Variants in RDX observed in about 807,000 individuals in gnomAD.
RDX encodes the protein deafness, autosomal recessive 24.
In RDX, 32 loss-of-function variants were observed where a neutral mutation model predicts 83.7. That is an observed-to-expected ratio of 0.38 (90% CI 0.29 to 0.51). RDX has a LOEUF of 0.51. Among genes scored for constraint, RDX ranks in the 20% least tolerant of loss-of-function variants. RDX has a pLI of 0.87. For synonymous variants in RDX, 229 were observed against 222.7 expected (o/e 1.03, Z -0.25); for missense variants, 600 against 689.9 (o/e 0.87, Z 1.46).
chr11:110,263,231 A>T (rs1036872136), intron 5 of RDX: 1 of 150,850 alleles, frequency 6.6e-6, no homozygotes, highest in Non-Finnish European at 1.5e-5. Flanking sequence ...GCGAGCTGAG[A>T]TTGCACCACT....
chr11:110,176,505 C>T (rs1470364985), intron 15 of RDX, among the ~76,000 whole-genome samples: 1 of 152,154 alleles, frequency 6.6e-6, no homozygotes, highest in African/African-American at 2.4e-5. Flanking sequence ...CCCCCAGCCA[C>T]GGGGTGCCTG....
In RDX at chr11:110,214,987, A is replaced by G. The variant is rs372118614; in HGVS notation, c.1749-15309T>C. 2.0e-4 allele frequency among the ~76,000 whole-genome samples: 30 copies of G among 147,954 alleles called. No homozygotes were observed. In the South Asian group the frequency reaches 6.4e-3, roughly 32 times the overall value. ...GCACTTGTACCCTAAAACTTAAAGT[A>G]TAATAAAAAAAAAATGAAAAAAATA... On this transcript the variant is annotated intron_variant, in intron 14 of 15. Coordinates refer to the RDX transcript ENST00000528498.
At chr11:110,246,545 C>A (rs1204925929) in intron 10 of RDX, among the ~76,000 whole-genome samples, 3 of 152,132 alleles carry the variant, frequency 2.0e-5, no homozygotes, top group Non-Finnish European at 2.9e-5. Flanking sequence ...GAGGCCGACG[C>A]GGGTGGATCA....
intron 15 of RDX, among the ~76,000 whole-genome samples, chr11:110,184,435 G>A (rs1410380352): frequency 2.0e-5 from 3 of 152,066 alleles, no homozygotes; most frequent in African/African-American, 2.4e-5. Context: ...GAGGGACTGT[G>A]CAGAACAAGA....
chr11:110,219,278 C>T (rs966855698), intron 14 of RDX, among the ~76,000 whole-genome samples: 1 of 152,142 alleles, frequency 6.6e-6, no homozygotes, highest in African/African-American at 2.4e-5. Flanking sequence ...GCCAGTGTGA[C>T]TTCAATTTAA....
At chr11:110,287,622 G>A (rs1425609654) in intron 1 of RDX, among the ~76,000 whole-genome samples, 1 of 152,078 alleles carries the variant, frequency 6.6e-6, no homozygotes, top group African/African-American at 2.4e-5. Flanking sequence ...AAGCAAAGAG[G>A]ACAAGAATTT....
At chr11:110,263,031 T>C (rs759801121) in intron 5 of RDX, among the ~76,000 whole-genome samples, 4 of 152,234 alleles carry the variant, frequency 2.6e-5, no homozygotes, top group South Asian at 2.1e-4. Context: ...TCCCAGCACT[T>C]TGGGAGACCG....
intron 15 of RDX, among the ~76,000 whole-genome samples, chr11:110,193,483 T>C (rs977156746): frequency 3.9e-5 from 6 of 152,138 alleles, no homozygotes; most frequent in African/African-American, 1.2e-4. Context: ...AATAAATTCA[T>C]GTAACAAACC....
chr11:110,277,539 C>T (rs775668265), intron 2 of RDX, among the ~76,000 whole-genome samples: 4 of 151,984 alleles, frequency 2.6e-5, no homozygotes, highest in African/African-American at 7.2e-5. Context: ...AGGCTGGTCT[C>T]GAACTCCTGA....
At chr11:110,273,207 T>C in intron 2 of RDX, 1 of 363,826 alleles carries the variant, frequency 2.7e-6, no homozygotes, top group South Asian at 2.1e-5. Context: ...AGCAAGACCC[T>C]GCCTCCAAAA....
chr11:110,291,796 T>C (rs141557932), intron 1 of RDX, among the ~76,000 whole-genome samples: 19 of 152,280 alleles, frequency 1.2e-4, no homozygotes, highest in African/African-American at 3.9e-4. Flanking sequence ...GATGTCATTA[T>C]TGAACCATTC....
intron 12 of RDX, 186 bp from the exon 13 acceptor site, chr11:110,233,665 C>T: frequency 1.5e-6 from 1 of 646,976 alleles, no homozygotes; most frequent in South Asian, 2.0e-5. Flanking sequence ...CATTATTATG[C>T]AAACCCTATT....
chr11:110,294,124 C>A (rs1456618724), intron 1 of RDX, among the ~76,000 whole-genome samples: 1 of 152,232 alleles, frequency 6.6e-6, no homozygotes, highest in Non-Finnish European at 1.5e-5. Context: ...CCGGGCGCAG[C>A]GGCTCATGCC....
intron 14 of RDX, among the ~76,000 whole-genome samples, chr11:110,210,341 A>G (rs1402902452): frequency 1.7e-5 from 2 of 117,646 alleles, no homozygotes; most frequent in African/African-American, 7.3e-5. Context: ...GGACTATGTG[A>G]AAAGACCAAA....
intron 1 of RDX, among the ~76,000 whole-genome samples, chr11:110,289,974 A>C (rs1325836305): frequency 3.4e-5 from 5 of 148,336 alleles, no homozygotes; most frequent in Non-Finnish European, 7.5e-5. Context: ...AAAAAAAAAA[A>C]AAAAAAAACA....
chr11:110,233,336 A>G lies in RDX; in HGVS notation c.1488T>C (p.Ala496=). Residue 496 remains alanine (A), a synonymous_variant, in exon 13 of 14, where the codon GCT becomes GCC. Coordinates refer to ENST00000645495, the MANE Select transcript of RDX (RefSeq NM_002906.4). Reference sequence around the variant, plus strand: ...CCCCTTCATTTGATAATTCAGCACTAGCTTCAGCATTATTCTCATCGTGTT... The same window carrying G: ...CCCCTTCATTTGATAATTCAGCACTGGCTTCAGCATTATTCTCATCGTGTT... ...HDEHDENNAE[A]SAELSNEGVM... is the part of the protein sequence containing the mutation. 1 of 1,614,156 alleles carries G rather than the reference A, an allele frequency of 6.2e-7. No homozygotes were observed. The highest frequency in any genetic ancestry group is 1.1e-5 in the South Asian group (1 of 91,086).
At chr11:110,259,919 T>C (rs1859732022) in intron 5 of RDX, among the ~76,000 whole-genome samples, 2 of 152,064 alleles carry the variant, frequency 1.3e-5, no homozygotes, top group African/African-American at 4.8e-5. Context: ...TTTCCATACC[T>C]GACATCCACT....
At chr11:110,248,161 A>C (rs1184386520) in intron 9 of RDX, among the ~76,000 whole-genome samples, 8 of 152,204 alleles carry the variant, frequency 5.3e-5, no homozygotes, top group African/African-American at 1.7e-4. Flanking sequence ...AGGTGCACTA[A>C]AATCTCAGAA....
chr11:110,235,693 T>C (rs1044593230), intron 12 of RDX, among the ~76,000 whole-genome samples: 2 of 152,224 alleles, frequency 1.3e-5, no homozygotes, highest in African/African-American at 4.8e-5. Context: ...TGAACAACAC[T>C]AAGCCTCGGC....
Sources: allele counts gnomAD v4.1 joint callset (sites outside exome capture counted in the v4.1 genomes callset), GRCh38; gene constraint gnomAD v4.1.1; transcripts MANE v1.5; gene names NCBI Gene and HGNC (gene_info 2026-07-23, HGNC 2026-07-21).